The following RIT2 variants were observed in gnomAD, a reference collection of about 807,000 sequenced individuals.
The protein encoded by RIT2 is Ras like without CAAX 2.
Under a neutral mutation model 23.7 loss-of-function variants are expected in RIT2, and 24 were observed. That is an observed-to-expected ratio of 1.01 (90% confidence interval 0.73 to 1.43). The LOEUF is 1.43. Ranked by LOEUF, RIT2 falls within the 40% of genes most tolerant of loss-of-function variation. The pLI is 0.00. For synonymous variants in RIT2, 107 were observed against 91.1 expected (o/e 1.17, Z -0.99); for missense variants, 236 against 266.9 (o/e 0.88, Z 0.81).
At chr18:43,006,889 A>T (rs1415328233) in intron 2 of RIT2, among the ~76,000 whole-genome samples, 3 of 151,448 alleles carry the variant, frequency 2.0e-5, no homozygotes, top group Admixed American at 1.3e-4. Context: ...GCCCAGAACC[A>T]CCATTATTAA....
At chr18:42,804,204 G>A (rs993907157) in intron 4 of RIT2, among the ~76,000 whole-genome samples, 8 of 152,148 alleles carry the variant, frequency 5.3e-5, no homozygotes, top group South Asian at 2.1e-4. Context: ...CAGATCAAGC[G>A]TAAATTGTAC....
intron 4 of RIT2, among the ~76,000 whole-genome samples, chr18:42,921,540 G>C (rs955635132): frequency 6.6e-6 from 1 of 152,090 alleles, no homozygotes; most frequent in Non-Finnish European, 1.5e-5. Flanking sequence ...GAGATCCTAA[G>C]TATCACCTTT....
At chr18:43,071,598 A>T (rs1912898492) in intron 1 of RIT2, among the ~76,000 whole-genome samples, 2 of 152,184 alleles carry the variant, frequency 1.3e-5, no homozygotes, top group African/African-American at 4.8e-5. Context: ...TTGTACAGAT[A>T]TCTCAAGGTG....
At chr18:42,948,444 C>A (rs1391499808) in intron 3 of RIT2, among the ~76,000 whole-genome samples, 1 of 151,790 alleles carries the variant, frequency 6.6e-6, no homozygotes, top group Non-Finnish European at 1.5e-5. Context: ...CATCCTAGGG[C>A]CAGAATGAAC....
chr18:42,892,224 T>C (rs550125992), intron 4 of RIT2, among the ~76,000 whole-genome samples: 20 of 152,278 alleles, frequency 1.3e-4, no homozygotes, highest in African/African-American at 4.8e-4. Flanking sequence ...AATTCAGCTC[T>C]AAGTATATAT....
chr18:42,965,542 T>A (rs967171833), intron 3 of RIT2, among the ~76,000 whole-genome samples: 2 of 151,898 alleles, frequency 1.3e-5, no homozygotes, highest in African/African-American at 4.8e-5. Context: ...CTAAATCCTT[T>A]CCCAATTGTT....
chr18:43,074,863 A>G (rs1312138942), intron 1 of RIT2, among the ~76,000 whole-genome samples: 1 of 152,204 alleles, frequency 6.6e-6, no homozygotes. Flanking sequence ...ACATGGATGC[A>G]GGGAGGGGAA....
intron 4 of RIT2, among the ~76,000 whole-genome samples, chr18:42,868,251 C>T (rs528660355): frequency 6.6e-6 from 1 of 152,236 alleles, no homozygotes; most frequent in South Asian, 2.1e-4. Context: ...ATCAATGGTC[C>T]ATTCAATTGT....
At chr18:42,984,967 G>T (rs1156945279) in intron 2 of RIT2, among the ~76,000 whole-genome samples, 1 of 151,822 alleles carries the variant, frequency 6.6e-6, no homozygotes, top group African/African-American at 2.4e-5. Context: ...TGAAAAAAAA[G>T]TTTAGCATAG....
At chr18:43,094,330 T>G (rs1913499744) in intron 1 of RIT2, among the ~76,000 whole-genome samples, 1 of 151,958 alleles carries the variant, frequency 6.6e-6, no homozygotes, top group African/African-American at 2.4e-5. Flanking sequence ...GCTTATAGAT[T>G]AGCTTCAAAT....
chr18:42,754,139 G>A (rs1353082661), intron 4 of RIT2, among the ~76,000 whole-genome samples: 4 of 152,176 alleles, frequency 2.6e-5, no homozygotes, highest in African/African-American at 9.7e-5. Flanking sequence ...AACTGGTGAG[G>A]AGATGTCAGT....
intron 4 of RIT2, among the ~76,000 whole-genome samples, chr18:42,793,071 ATG>A (rs1184325461): frequency 6.6e-6 from 1 of 151,868 alleles, no homozygotes; most frequent in Non-Finnish European, 1.5e-5. Flanking sequence ...CAAAAAAAAA[ATG>A]TGTGTTTCAA....
intron 4 of RIT2, chr18:42,920,866 T>C: frequency 1.3e-6 from 1 of 746,550 alleles, no homozygotes; most frequent in South Asian, 1.7e-5. Context: ...ACTTTATCAC[T>C]CTAGGAATTC....
intron 4 of RIT2, among the ~76,000 whole-genome samples, chr18:42,753,883 A>G (rs1276847151): frequency 6.6e-6 from 1 of 152,238 alleles, no homozygotes; most frequent in Non-Finnish European, 1.5e-5. Context: ...AAAGAAAATC[A>G]TCTTCCATTT....
At chr18:42,970,325 A>C (rs1910332410) in intron 3 of RIT2, among the ~76,000 whole-genome samples, 1 of 152,082 alleles carries the variant, frequency 6.6e-6, no homozygotes, top group East Asian at 1.9e-4. Flanking sequence ...CAAATGGAAG[A>C]CATCAATCAT....
At chr18:42,945,679 T>C (rs569670320) in intron 3 of RIT2, among the ~76,000 whole-genome samples, 2 of 152,130 alleles carry the variant, frequency 1.3e-5, no homozygotes, top group South Asian at 2.1e-4. Flanking sequence ...CTTTTTTAAA[T>C]TTCTGTTCTC....
chr18:43,104,192 A>G (rs1313358686), intron 1 of RIT2, among the ~76,000 whole-genome samples: 1 of 152,222 alleles, frequency 6.6e-6, no homozygotes, highest in Non-Finnish European at 1.5e-5. Flanking sequence ...GCATAGAAAG[A>G]TAAATACCAA....
chr18:43,031,754 T>C (rs1487757671), intron 2 of RIT2, among the ~76,000 whole-genome samples: 3 of 152,068 alleles, frequency 2.0e-5, no homozygotes, highest in Admixed American at 6.6e-5. Flanking sequence ...AAAAGGCTAT[T>C]TAAAAGCCTC....
chr18:42,809,946 A>ATATATATAATTTGTATATGT lies in RIT2; in HGVS notation c.427-66227_427-66226insACATATACAAATTATATATA, dbSNP rs1313473426. ...TATATATGTTATATATTAATATATG[A>ATATATATAATTTGTATATGT]TATACATAATTTGTATATGTTATAT... On this transcript the variant is annotated intron_variant, in intron 4 of 4. Transcript: ENST00000326695. Among the ~76,000 whole-genome samples the ATATATATAATTTGTATATGT allele has an allele frequency of 2.9e-4, 41 of 143,556 alleles. 1 individual carries two copies. Among genetic ancestry groups the ATATATATAATTTGTATATGT allele is most frequent in the African/African-American group, 1.0e-3 (40 of 38,804 alleles). The allele number at this position is 143,556 out of a possible 152,430, so 94.2% of individuals were successfully genotyped here.
Sources: gnomAD v4.1 joint callset for allele counts (sites outside exome capture counted in the v4.1 genomes callset) on GRCh38, gnomAD v4.1.1 for gene constraint, MANE v1.5 for transcripts, NCBI Gene and HGNC (gene_info 2026-07-23, HGNC 2026-07-21) for gene names.